Variants in GALNT2 observed in about 807,000 individuals in gnomAD.
GALNT2 encodes polypeptide N-acetylgalactosaminyltransferase 2.
A neutral mutation model predicts 81.4 loss-of-function variants in GALNT2; 31 were observed. The ratio of observed to expected loss-of-function variants is 0.38; its 90% CI spans 0.29 to 0.51. The LOEUF is 0.51. Among genes scored for constraint, GALNT2 ranks in the 20% least tolerant of loss-of-function variants. GALNT2 has a pLI of 0.87. For missense variants in GALNT2, 629 were observed against 765.7 expected, an observed-to-expected ratio of 0.82 and a Z score of 2.11; for synonymous variants, 303 against 287.4, an observed-to-expected ratio of 1.05 and a Z score of -0.55.
intron 1 of GALNT2, among the ~76,000 whole-genome samples, chr1:230,138,054 G>A (rs141974592): frequency 7.2e-4 from 109 of 152,222 alleles, no homozygotes; most frequent in African/African-American, 1.9e-3. Context: ...CTTGCATGTC[G>A]TTGCGTGCGT....
At chr1:230,102,643 G>A (rs1660434729) in intron 1 of GALNT2, among the ~76,000 whole-genome samples, 1 of 152,034 alleles carries the variant, frequency 6.6e-6, no homozygotes, top group African/African-American at 2.4e-5. Flanking sequence ...CAGGCTTATT[G>A]TAAAAACACC....
At chr1:230,163,332 C>A (rs1250664929) in intron 1 of GALNT2, among the ~76,000 whole-genome samples, 1 of 152,180 alleles carries the variant, frequency 6.6e-6, no homozygotes, top group Non-Finnish European at 1.5e-5. Flanking sequence ...CTCCGTGGGG[C>A]TGAGGTGCAG....
At chr1:230,232,835 G>A (rs1664906895) in intron 3 of GALNT2, among the ~76,000 whole-genome samples, 2 of 152,152 alleles carry the variant, frequency 1.3e-5, no homozygotes, top group Admixed American at 6.5e-5. Context: ...GAAAGACTTA[G>A]ATGTCAGGAG....
At chr1:230,065,760 A>AG (rs1659158734), upstream of GALNT2, among the ~76,000 whole-genome samples, 1 of 152,146 alleles carries the variant, frequency 6.6e-6, no homozygotes, top group Non-Finnish European at 1.5e-5. Flanking sequence ...TCATTTCTGC[A>AG]GGATTTGTAA....
upstream of GALNT2, among the ~76,000 whole-genome samples, chr1:230,064,155 T>C (rs1659110704): frequency 6.6e-6 from 1 of 152,226 alleles, no homozygotes; most frequent in Non-Finnish European, 1.5e-5. Flanking sequence ...TTTTAACATC[T>C]GGTCTGTCTG....
upstream of GALNT2, among the ~76,000 whole-genome samples, chr1:230,065,146 T>C (rs1180482867): frequency 2.6e-5 from 4 of 152,188 alleles, no homozygotes; most frequent in African/African-American, 9.6e-5. Context: ...TGGTCTTCCT[T>C]TCCTGGCTTT....
chr1:230,235,416 T>C (rs144615236), intron 3 of GALNT2, among the ~76,000 whole-genome samples: 1 of 152,182 alleles, frequency 6.6e-6, no homozygotes, highest in East Asian at 1.9e-4. Context: ...CAGGGTCCCA[T>C]TGACTGTACC....
At chr1:230,235,926 G>C in intron 3 of GALNT2, 88 bp from the exon 4 acceptor site, 1 of 1,139,946 alleles carries the variant, frequency 8.8e-7, no homozygotes, top group South Asian at 1.4e-5. Context: ...CATCCCAGTT[G>C]GTCAGTCTGC....
At chr1:230,089,912 G>T (rs192850418) in intron 1 of GALNT2, among the ~76,000 whole-genome samples, 1 of 152,152 alleles carries the variant, frequency 6.6e-6, no homozygotes, top group African/African-American at 2.4e-5. Context: ...AGTACACCTG[G>T]TGGAACTGCT....
intron 1 of GALNT2, among the ~76,000 whole-genome samples, chr1:230,089,756 A>G (rs896965804): frequency 2.0e-5 from 3 of 152,120 alleles, no homozygotes; most frequent in African/African-American, 7.2e-5. Flanking sequence ...TTTCTTTTTA[A>G]AGCTGGGTAA....
At chr1:230,062,960 G>C (rs982053176), upstream of GALNT2, among the ~76,000 whole-genome samples, 1 of 151,918 alleles carries the variant, frequency 6.6e-6, no homozygotes, top group African/African-American at 2.4e-5. Context: ...AGTGCGTAAG[G>C]GTTCCAATTT....
At chr1:230,187,282 A>G (rs1372966796) in intron 2 of GALNT2, among the ~76,000 whole-genome samples, 1 of 152,232 alleles carries the variant, frequency 6.6e-6, no homozygotes, top group Non-Finnish European at 1.5e-5. Flanking sequence ...TATGTATTAA[A>G]ATGCTTACTT....
intron 7 of GALNT2, among the ~76,000 whole-genome samples, chr1:230,244,766 T>C (rs776304529): frequency 6.6e-6 from 1 of 152,206 alleles, no homozygotes; most frequent in African/African-American, 2.4e-5. Flanking sequence ...GCAAGGAAAG[T>C]TGTGTTCTTC....
intron 2 of GALNT2, among the ~76,000 whole-genome samples, chr1:230,197,613 G>A (rs1328145880): frequency 6.6e-6 from 1 of 152,172 alleles, no homozygotes; most frequent in African/African-American, 2.4e-5. Flanking sequence ...AGTTAGTAGT[G>A]TAGGACTTTT....
At position 230,237,359 on chromosome 1, in the gene GALNT2, C is replaced by A. The variant is rs1369902953; in HGVS notation, c.607+634C>A. On this transcript the variant is annotated intron_variant, in intron 6 of 15. Transcript: ENST00000366672. The stretch of plus-strand genomic sequence containing the variant: ...TCCAGTGTGTCAGTGCTGTTAGAGA[C>A]CCTGAAGACTGAATTGTTAGGCTCC... Among the ~76,000 whole-genome samples the A allele has an allele frequency of 2.6e-5, 4 of 152,144 alleles. No individual in the cohort carries two copies. The East Asian group carries it at 5.8e-4, about 22-fold the overall frequency.
At chr1:230,168,604 A>G (rs1662687911) in intron 1 of GALNT2, among the ~76,000 whole-genome samples, 1 of 152,228 alleles carries the variant, frequency 6.6e-6, no homozygotes, top group South Asian at 2.1e-4. Flanking sequence ...TACATGATTG[A>G]CGGATGTTGG....
At chr1:230,067,983 G>A (rs1208644852) in intron 1 of GALNT2, among the ~76,000 whole-genome samples, 2 of 152,092 alleles carry the variant, frequency 1.3e-5, no homozygotes, top group Non-Finnish European at 2.9e-5. Flanking sequence ...CCCAGGGCCC[G>A]TGCGAGCCAG....
At chr1:230,149,605 C>T (rs966869728) in intron 1 of GALNT2, among the ~76,000 whole-genome samples, 8 of 152,226 alleles carry the variant, frequency 5.3e-5, no homozygotes, top group East Asian at 1.9e-4. Flanking sequence ...TTTTAAAAAC[C>T]GCCTGATTGG....
intron 1 of GALNT2, among the ~76,000 whole-genome samples, chr1:230,087,952 G>C (rs1461232247): frequency 6.6e-6 from 1 of 152,216 alleles, no homozygotes; most frequent in African/African-American, 2.4e-5. Context: ...TTAAGTGACA[G>C]TTTAGAACAG....
Sources: allele counts gnomAD v4.1 joint callset (sites outside exome capture counted in the v4.1 genomes callset), GRCh38; gene constraint gnomAD v4.1.1; transcripts MANE v1.5; gene names NCBI Gene and HGNC (gene_info 2026-07-23, HGNC 2026-07-21).